Variants in IPCEF1 observed in about 807,000 individuals in gnomAD.
The protein encoded by IPCEF1 is interactor protein for cytohesin exchange factors 1.
A neutral mutation model predicts 50.9 loss-of-function variants in IPCEF1; 31 were observed. That is an observed-to-expected ratio of 0.61 (90% CI 0.46 to 0.82). IPCEF1 has a LOEUF of 0.82. IPCEF1 is among the 40% of genes least tolerant of loss of function. The probability of loss-of-function intolerance (pLI) is 0.00; values close to 1 mark genes in which losing one functional copy is unlikely to be tolerated. For synonymous variants in IPCEF1, 181 were observed against 192.0 expected (o/e 0.94, Z 0.47); for missense variants, 458 against 514.0 (o/e 0.89, Z 1.05).
At chr6:154,312,624 G>T (rs1448784662) in intron 1 of IPCEF1, among the ~76,000 whole-genome samples, 1 of 152,084 alleles carries the variant, frequency 6.6e-6, no homozygotes, top group African/African-American at 2.4e-5. Context: ...GGGATTACAG[G>T]TGTGAGCCAC....
intron 5 of IPCEF1, among the ~76,000 whole-genome samples, chr6:154,241,134 G>T (rs998137736): frequency 6.6e-6 from 1 of 151,600 alleles, no homozygotes; most frequent in Non-Finnish European, 1.5e-5. Context: ...TACTCAGGAG[G>T]CTGAGGCAGG....
At chr6:154,248,463 A>G (rs1169536160) in intron 3 of IPCEF1, among the ~76,000 whole-genome samples, 3 of 152,074 alleles carry the variant, frequency 2.0e-5, no homozygotes, top group Admixed American at 6.5e-5. Flanking sequence ...AACTCAGGGG[A>G]AAAAACGTGT....
At chr6:154,329,891 G>C (rs1237749132) in intron 1 of IPCEF1, 1 of 152,212 alleles carries the variant, frequency 6.6e-6, no homozygotes, top group Admixed American at 6.5e-5. Context: ...TCTTTGTTTT[G>C]AATCTTTGTT....
chr6:154,231,124 C>T lies in IPCEF1; in HGVS notation c.247-7881G>A, dbSNP rs1779680602. Among the ~76,000 whole-genome samples the T allele has an allele frequency of 3.3e-5, 5 of 152,156 alleles. No individual in the cohort carries two copies. The South Asian group carries it at 6.2e-4, about 19-fold the overall frequency. On this transcript the variant is annotated intron_variant, in intron 5 of 11. Transcript: ENST00000367220. ...TGAGCTGAGCTGCCCATTCTCATGCCGCCTTAGAACAGTTGTCTCTAGATT... is the reference window on the plus strand; with the variant it reads ...TGAGCTGAGCTGCCCATTCTCATGCTGCCTTAGAACAGTTGTCTCTAGATT...
At chr6:154,335,896 A>G (rs1333271695) in intron 1 of IPCEF1, among the ~76,000 whole-genome samples, 1 of 152,224 alleles carries the variant, frequency 6.6e-6, no homozygotes, top group Non-Finnish European at 1.5e-5. Context: ...TAAAAAACAC[A>G]CAACATCACT....
Position 154,299,135 on chromosome 6 carries a change from T to G in IPCEF1, c.-61-9379A>C, listed in dbSNP as rs1165425691. Among the ~76,000 whole-genome samples, 4 of 140,890 alleles carry G rather than the reference T, an allele frequency of 2.8e-5. 2 individuals are homozygous for G. The highest frequency in any genetic ancestry group is 6.4e-5 in the Non-Finnish European group (4 of 62,874). The allele number at this position is 140,890 out of a possible 152,430, so 92.4% of individuals were successfully genotyped here. ...GTGAATCATTCATGCCTTAAAATCCTGTTGTCAGTGGTTAGCATCCTAAAG... is the reference window on the plus strand; with the variant it reads ...GTGAATCATTCATGCCTTAAAATCCGGTTGTCAGTGGTTAGCATCCTAAAG... On this transcript the variant is annotated intron_variant, in intron 1 of 11. Coordinates refer to ENST00000367220, the MANE Select transcript of IPCEF1 (RefSeq NM_001130700.2).
rs768711872 is a variant in IPCEF1 at position 154,212,666 on chromosome 6, C to T, written c.537+104G>A. The T allele has an allele frequency of 1.0e-4, 74 of 728,596 alleles. 1 individual carries two copies. Among genetic ancestry groups the T allele is most frequent in the Admixed American group, 2.7e-4 (10 of 37,628 alleles). 45.1% of individuals were successfully genotyped at this position (728,596 alleles called of 1,614,324 possible). On this transcript the variant is annotated intron_variant, in intron 9 of 11. Transcript: ENST00000367220. ...CTCGTTGGCAGGTATCTTAATTTAG[C>T]CCATTCTAAAAATTTATTGGTCAAG...
intron 1 of IPCEF1, among the ~76,000 whole-genome samples, chr6:154,334,234 A>G (rs1783741470): frequency 1.3e-5 from 2 of 152,142 alleles, no homozygotes; most frequent in Non-Finnish European, 2.9e-5. Flanking sequence ...TTTCAAACAT[A>G]TGCTCATTTT....
chr6:154,293,288 A>C (rs1409185789), intron 1 of IPCEF1, among the ~76,000 whole-genome samples: 1 of 152,228 alleles, frequency 6.6e-6, no homozygotes, highest in African/African-American at 2.4e-5. Flanking sequence ...CTAAAAAGCA[A>C]TACAACCCAA....
chr6:154,255,209 G>C lies in IPCEF1; in HGVS notation c.37-7721C>G, dbSNP rs187855715. Among the ~76,000 whole-genome samples the C allele has an allele frequency of 1.8e-3, 280 of 152,172 alleles. 1 individual carries two copies. The highest frequency in any genetic ancestry group is 3.5e-3 in the Admixed American group (53 of 15,288). ...TGGATCCACTTTTCTGTTTAGGAGGGTGCCTCTTTGAATAGTCCCTTTTAA... is the reference window on the plus strand; with the variant it reads ...TGGATCCACTTTTCTGTTTAGGAGGCTGCCTCTTTGAATAGTCCCTTTTAA... On this transcript the variant is annotated intron_variant, in intron 3 of 11. Coordinates refer to ENST00000367220, the MANE Select transcript of IPCEF1 (RefSeq NM_001130700.2).
At chr6:154,332,433 G>A (rs562140835) in intron 1 of IPCEF1, among the ~76,000 whole-genome samples, 4 of 151,876 alleles carry the variant, frequency 2.6e-5, no homozygotes, top group African/African-American at 9.7e-5. Context: ...TTCATCTTCT[G>A]GTGAAAACCA....
intron 10 of IPCEF1, among the ~76,000 whole-genome samples, chr6:154,196,260 C>A (rs1319362798): frequency 6.6e-6 from 1 of 152,180 alleles, no homozygotes; most frequent in African/African-American, 2.4e-5. Context: ...ATGATTCCAA[C>A]AGCAACTCTC....
intron 9 of IPCEF1, among the ~76,000 whole-genome samples, chr6:154,210,264 T>A (rs948593742): frequency 6.6e-5 from 10 of 152,168 alleles, no homozygotes; most frequent in Middle Eastern, 3.2e-3. Context: ...TTTGCCATTA[T>A]AAAACTGAAA....
chr6:154,315,118 A>G (rs1406751656), intron 1 of IPCEF1, among the ~76,000 whole-genome samples: 1 of 152,108 alleles, frequency 6.6e-6, no homozygotes, highest in Non-Finnish European at 1.5e-5. Context: ...CCTGACCTCA[A>G]ATGATCTGCC....
At chr6:154,328,977 C>T (rs1260832574) in intron 1 of IPCEF1, among the ~76,000 whole-genome samples, 1 of 151,884 alleles carries the variant, frequency 6.6e-6, no homozygotes, top group East Asian at 1.9e-4. Flanking sequence ...TTCATGAATA[C>T]CAAGAAAAAA....
At chr6:154,258,574 T>C (rs1477426925) in intron 3 of IPCEF1, among the ~76,000 whole-genome samples, 2 of 152,142 alleles carry the variant, frequency 1.3e-5, no homozygotes, top group East Asian at 3.9e-4. Context: ...GGTTTGCCCT[T>C]TCCCCTCTCC....
At chr6:154,284,269 T>G (rs1782299268) in intron 2 of IPCEF1, among the ~76,000 whole-genome samples, 1 of 152,238 alleles carries the variant, frequency 6.6e-6, no homozygotes, top group African/African-American at 2.4e-5. Context: ...TTAAAATAAC[T>G]CAATTACCTG....
rs1367686687 is a variant in IPCEF1 at position 154,158,679 on chromosome 6, C to T, written c.*1149G>A. On this transcript the variant is annotated 3_prime_UTR_variant, in exon 12 of 12. Transcript: ENST00000367220. Reference sequence around the variant, plus strand: ...CAGACACAGTGCAACATCATAACACCAGTGAATCAATAGTATTTCTATTTT... The same window carrying T: ...CAGACACAGTGCAACATCATAACACTAGTGAATCAATAGTATTTCTATTTT... 1 of 152,052 alleles carries T rather than the reference C, an allele frequency of 6.6e-6. No individual in the cohort carries two copies. The highest frequency in any genetic ancestry group is 1.5e-5 in the Non-Finnish European group (1 of 68,004). 9.4% of individuals were successfully genotyped at this position (152,052 alleles called of 1,614,324 possible). A position where few individuals can be genotyped will look rare whatever the true frequency, so the allele number is the denominator to read the frequency against.
At chr6:154,185,489 T>A (rs1005016351) in intron 10 of IPCEF1, among the ~76,000 whole-genome samples, 1 of 152,222 alleles carries the variant, frequency 6.6e-6, no homozygotes, top group Non-Finnish European at 1.5e-5. Flanking sequence ...TTACTTTACA[T>A]GGTTAAAGGT....
Sources: gnomAD v4.1 joint callset for allele counts (sites outside exome capture counted in the v4.1 genomes callset) on GRCh38, gnomAD v4.1.1 for gene constraint, MANE v1.5 for transcripts, NCBI Gene and HGNC (gene_info 2026-07-23, HGNC 2026-07-21) for gene names.